The following KIAA1217 variants were observed in gnomAD, a reference collection of about 807,000 sequenced individuals.
KIAA1217 encodes sickle tail protein homolog.
In KIAA1217, 88 loss-of-function variants were observed where a neutral mutation model predicts 163.9. That is an observed-to-expected ratio of 0.54 (90% CI 0.45 to 0.64). The LOEUF is 0.64. Ranked by LOEUF, KIAA1217 falls within the 30% of genes least tolerant of loss-of-function variation. KIAA1217 has a pLI of 0.00. For missense variants in KIAA1217, 2,372 were observed against 2,475.0 expected, an observed-to-expected ratio of 0.96 and a Z score of 0.88; for synonymous variants, 903 against 923.1, an observed-to-expected ratio of 0.98 and a Z score of 0.39.
chr10:23,964,942 G>A (rs188266776), intron 1 of KIAA1217, among the ~76,000 whole-genome samples: 4 of 152,252 alleles, frequency 2.6e-5, no homozygotes, highest in East Asian at 1.9e-4. Flanking sequence ...GAAAGAATAC[G>A]AACTTTATCT....
intron 2 of KIAA1217, among the ~76,000 whole-genome samples, chr10:24,083,833 A>T (rs561298488): frequency 6.6e-6 from 1 of 152,140 alleles, no homozygotes; most frequent in Non-Finnish European, 1.5e-5. Flanking sequence ...TAATGAGTGC[A>T]TGATGATGCA....
At chr10:23,820,397 T>G in intron 1 of KIAA1217, among the ~76,000 whole-genome samples, 1 of 152,238 alleles carries the variant, frequency 6.6e-6, no homozygotes, top group East Asian at 1.9e-4. Context: ...CCACTTGCTA[T>G]GATAACAGTC....
intron 1 of KIAA1217, among the ~76,000 whole-genome samples, chr10:23,759,748 T>A (rs1834153104): frequency 6.6e-6 from 1 of 152,204 alleles, no homozygotes; most frequent in Non-Finnish European, 1.5e-5. Context: ...TCATAACACT[T>A]CTGTTTTCTG....
chr10:24,134,801 T>C (rs1350155456), intron 2 of KIAA1217, among the ~76,000 whole-genome samples: 1 of 152,154 alleles, frequency 6.6e-6, no homozygotes, highest in African/African-American at 2.4e-5. Context: ...GATCTCGAAC[T>C]CCTAACCTCA....
At chr10:24,430,169 T>C (rs984063800) in intron 3 of KIAA1217, among the ~76,000 whole-genome samples, 1 of 152,118 alleles carries the variant, frequency 6.6e-6, no homozygotes, top group East Asian at 1.9e-4. Flanking sequence ...ACACAAAAGT[T>C]TGTCTCTTCT....
At chr10:23,848,603 G>C (rs1226422298) in intron 1 of KIAA1217, among the ~76,000 whole-genome samples, 1 of 151,922 alleles carries the variant, frequency 6.6e-6, no homozygotes, top group Non-Finnish European at 1.5e-5. Flanking sequence ...GTCTCTTCTG[G>C]CATTTTATAT....
chr10:24,475,585 G>C (rs1192624703), intron 6 of KIAA1217, among the ~76,000 whole-genome samples: 1 of 152,208 alleles, frequency 6.6e-6, no homozygotes, highest in Non-Finnish European at 1.5e-5. Context: ...CAACAACAGT[G>C]AATGGCTTGA....
At chr10:23,724,301 C>T (rs16923706) in intron 1 of KIAA1217, among the ~76,000 whole-genome samples, 3 of 152,072 alleles carry the variant, frequency 2.0e-5, no homozygotes. Context: ...TTTGATAATT[C>T]CTATGTGCTT....
intron 3 of KIAA1217, among the ~76,000 whole-genome samples, chr10:24,414,071 G>T (rs916697830): frequency 6.6e-6 from 1 of 152,182 alleles, no homozygotes; most frequent in Non-Finnish European, 1.5e-5. Flanking sequence ...TAAGTGTGAA[G>T]TTTAATGCAA....
intron 2 of KIAA1217, among the ~76,000 whole-genome samples, chr10:24,095,018 G>C (rs1387774574): frequency 6.6e-6 from 1 of 152,148 alleles, no homozygotes; most frequent in African/African-American, 2.4e-5. Flanking sequence ...GAGACTCCGT[G>C]GGCATAGGAC....
intron 1 of KIAA1217, among the ~76,000 whole-genome samples, chr10:23,980,768 G>T (rs1845730816): frequency 1.3e-5 from 2 of 152,036 alleles, no homozygotes; most frequent in Admixed American, 1.3e-4. Context: ...TTATGACTTG[G>T]GTCACAATTC....
chr10:23,938,159 A>G (rs1405388250), intron 1 of KIAA1217, among the ~76,000 whole-genome samples: 1 of 152,232 alleles, frequency 6.6e-6, no homozygotes, highest in African/African-American at 2.4e-5. Flanking sequence ...AAGGTCACGC[A>G]GAACTTTCCT....
chr10:23,813,995 T>C (rs891360899), intron 1 of KIAA1217, among the ~76,000 whole-genome samples: 7 of 152,194 alleles, frequency 4.6e-5, no homozygotes, highest in Non-Finnish European at 1.0e-4. Context: ...CAGGAAGTCA[T>C]AAGTTCTGAC....
intron 2 of KIAA1217, among the ~76,000 whole-genome samples, chr10:24,223,959 G>C (rs1206584594): frequency 6.6e-6 from 1 of 151,070 alleles, no homozygotes. Flanking sequence ...CATGCCTTAT[G>C]TTTCCAAATC....
intron 2 of KIAA1217, among the ~76,000 whole-genome samples, chr10:24,265,128 T>G (rs972339189): frequency 6.6e-6 from 1 of 152,164 alleles, no homozygotes; most frequent in Non-Finnish European, 1.5e-5. Context: ...CCACCCAAAG[T>G]GATGAGTGCT....
intron 6 of KIAA1217, among the ~76,000 whole-genome samples, chr10:24,480,061 C>T (rs564573382): frequency 3.3e-5 from 5 of 152,252 alleles, no homozygotes; most frequent in Admixed American, 2.0e-4. Flanking sequence ...AGATGTTTAG[C>T]AGCATCTCTG....
At chr10:24,321,364 C>T (rs903207342) in intron 2 of KIAA1217, among the ~76,000 whole-genome samples, 2 of 152,050 alleles carry the variant, frequency 1.3e-5, no homozygotes, top group Non-Finnish European at 2.9e-5. Flanking sequence ...CATACCAAAA[C>T]CCCATCTCTA....
At chr10:23,761,768 G>A (rs1834271660) in intron 1 of KIAA1217, among the ~76,000 whole-genome samples, 1 of 152,006 alleles carries the variant, frequency 6.6e-6, no homozygotes, top group Non-Finnish European at 1.5e-5. Context: ...CATCTACTAG[G>A]TCCACTTGGT....
At chr10:24,512,418 T>C (rs1378304025) in intron 9 of KIAA1217, among the ~76,000 whole-genome samples, 2 of 152,114 alleles carry the variant, frequency 1.3e-5, no homozygotes, top group Non-Finnish European at 2.9e-5. Context: ...TGTTAGAAAA[T>C]TGTCCTGCTC....
Sources: gnomAD v4.1 joint callset for allele counts (sites outside exome capture counted in the v4.1 genomes callset) on GRCh38, gnomAD v4.1.1 for gene constraint, MANE v1.5 for transcripts, NCBI Gene and HGNC (gene_info 2026-07-23, HGNC 2026-07-21) for gene names.